Variants in DENND5A observed in about 807,000 individuals in gnomAD.
The protein encoded by DENND5A is DENN domain containing 5A, also known as DENN domain-containing protein 5A.
Under a neutral mutation model 140.3 loss-of-function variants are expected in DENND5A, and 64 were observed. The observed-to-expected ratio is 0.46, with a 90% CI of 0.37 to 0.56. The LOEUF is 0.56. Ranked by LOEUF, DENND5A falls within the 20% of genes least tolerant of loss-of-function variation. DENND5A has a pLI of 0.00. For synonymous variants in DENND5A, 605 were observed against 607.7 expected (o/e 1.00, Z 0.07); for missense variants, 1,292 against 1,593.8 (o/e 0.81, Z 3.22).
intron 1 of DENND5A, among the ~76,000 whole-genome samples, chr11:9,237,962 A>G (rs1248328814): frequency 6.6e-6 from 1 of 152,222 alleles, no homozygotes; most frequent in Non-Finnish European, 1.5e-5. Context: ...ACAAGTGTGT[A>G]AAAATAAGTG....
At chr11:9,244,667 C>T (rs796085858) in intron 1 of DENND5A, among the ~76,000 whole-genome samples, 64 of 152,086 alleles carry the variant, frequency 4.2e-4, no homozygotes, top group African/African-American at 1.5e-3. Flanking sequence ...CCACGCTCAG[C>T]CTATTTTATT....
At chr11:9,183,908 G>A (rs193197929) in intron 5 of DENND5A, among the ~76,000 whole-genome samples, 246 of 152,130 alleles carry the variant, frequency 1.6e-3, no homozygotes, top group Admixed American at 3.6e-3. Flanking sequence ...ATTTGAGGCC[G>A]GGCGCCGTGG....
intron 11 of DENND5A, among the ~76,000 whole-genome samples, chr11:9,162,232 T>TA (rs1848009434): frequency 7.3e-6 from 1 of 136,774 alleles, no homozygotes; most frequent in Non-Finnish European, 1.6e-5. Flanking sequence ...GCCAGTTCCT[T>TA]CTTTTTTTTT....
intron 21 of DENND5A, 130 bp from the exon 22 acceptor site, chr11:9,142,238 A>T: frequency 1.6e-6 from 1 of 644,448 alleles, no homozygotes. Flanking sequence ...AAGTGTTCTG[A>T]TGTCACTGGT....
chr11:9,261,677 A>T (rs1399960606), intron 1 of DENND5A, among the ~76,000 whole-genome samples: 1 of 149,010 alleles, frequency 6.7e-6, no homozygotes, highest in South Asian at 2.2e-4. Context: ...GCTACTCGGG[A>T]GGCTGAGGCA....
chr11:9,191,635 T>C (rs958483242), intron 5 of DENND5A, among the ~76,000 whole-genome samples: 19 of 152,318 alleles, frequency 1.2e-4, no homozygotes, highest in African/African-American at 4.6e-4. Context: ...GCCGTATACA[T>C]GAAGCACATA....
chr11:9,241,419 G>C (rs191467143), intron 1 of DENND5A, among the ~76,000 whole-genome samples: 115 of 152,204 alleles, frequency 7.6e-4, no homozygotes, highest in African/African-American at 2.6e-3. Context: ...CTGGTCCAGA[G>C]ACCAGACAAC....
chr11:9,250,449 C>A (rs551987700), intron 1 of DENND5A, among the ~76,000 whole-genome samples: 1 of 152,264 alleles, frequency 6.6e-6, no homozygotes, highest in East Asian at 1.9e-4. Flanking sequence ...GCAATGTGGG[C>A]TGGAGACTGA....
intron 20 of DENND5A, chr11:9,143,085 C>T: frequency 1.7e-6 from 1 of 602,836 alleles, no homozygotes; most frequent in Non-Finnish European, 2.9e-6. Context: ...AGATTCTCCA[C>T]TGGAGGACAA....
At chr11:9,201,035 T>C (rs1180762508) in intron 4 of DENND5A, among the ~76,000 whole-genome samples, 1 of 152,152 alleles carries the variant, frequency 6.6e-6, no homozygotes, top group East Asian at 1.9e-4. Context: ...TAAATAATTA[T>C]AGTGAATTAT....
chr11:9,150,279 G>A, intron 14 of DENND5A, 70 bp from the exon 15 acceptor site: 1 of 1,567,666 alleles, frequency 6.4e-7, no homozygotes, highest in Admixed American at 1.8e-5. Context: ...TAACTTACCT[G>A]TAAAGCCAAA....
intron 1 of DENND5A, 52 bp downstream of exon 1, chr11:9,264,909 T>A (rs903124712): frequency 2.1e-5 from 30 of 1,434,606 alleles, no homozygotes; most frequent in East Asian, 5.4e-5. Context: ...TCTTCTGGGG[T>A]CCCCGACGAC....
At chr11:9,154,910 G>A (rs961345408) in intron 12 of DENND5A, among the ~76,000 whole-genome samples, 3 of 152,012 alleles carry the variant, frequency 2.0e-5, no homozygotes, top group Non-Finnish European at 4.4e-5. Context: ...AGCACTTTGG[G>A]AGGCCGAGGT....
In DENND5A at chr11:9,139,626, C is replaced by T; in HGVS notation, c.*45G>A. 6.3e-7 allele frequency: 1 copy of T among 1,585,152 alleles called. No homozygotes were observed. Among genetic ancestry groups the T allele is most frequent in the Non-Finnish European group, 8.6e-7 (1 of 1,162,424 alleles). ...CCTTTGGGAAAAAAGGTCAGAGCTG[C>T]AGGGTGAGTCTTTCTCAGTCCTGCT... On this transcript the variant is annotated 3_prime_UTR_variant, in exon 23 of 23. Transcript: ENST00000328194.
At chr11:9,247,242 A>C (rs1200496349) in intron 1 of DENND5A, among the ~76,000 whole-genome samples, 3 of 151,696 alleles carry the variant, frequency 2.0e-5, no homozygotes, top group African/African-American at 7.3e-5. Flanking sequence ...AAAAAAAAAA[A>C]AAAAACCCTT....
At chr11:9,232,118 T>C (rs1850798124) in intron 1 of DENND5A, among the ~76,000 whole-genome samples, 1 of 151,970 alleles carries the variant, frequency 6.6e-6, no homozygotes, top group African/African-American at 2.4e-5. Context: ...GGACTGTAGA[T>C]CTAAATATGA....
At chr11:9,197,622 G>A (rs1849376799) in intron 4 of DENND5A, among the ~76,000 whole-genome samples, 1 of 151,878 alleles carries the variant, frequency 6.6e-6, no homozygotes, top group Non-Finnish European at 1.5e-5. Context: ...TTGAACCCAG[G>A]AGGTAGAAGC....
chr11:9,204,399 T>C (rs1309094458), intron 3 of DENND5A, 82 bp from the exon 4 acceptor site: 3 of 1,348,374 alleles, frequency 2.2e-6, no homozygotes, highest in Non-Finnish European at 2.0e-6. Flanking sequence ...TTTATTTATT[T>C]ATAGAGCACC....
intron 1 of DENND5A, among the ~76,000 whole-genome samples, chr11:9,245,005 C>T (rs1851404226): frequency 6.7e-6 from 1 of 148,266 alleles, no homozygotes; most frequent in Non-Finnish European, 1.5e-5. Flanking sequence ...AGGCTTCAGG[C>T]CGGGTGCGGT....
Sources: allele counts gnomAD v4.1 joint callset (sites outside exome capture counted in the v4.1 genomes callset), GRCh38; gene constraint gnomAD v4.1.1; transcripts MANE v1.5; gene names NCBI Gene and HGNC (gene_info 2026-07-23, HGNC 2026-07-21).